The following SUMF1 variants were observed in gnomAD, a reference collection of about 807,000 sequenced individuals.
The protein encoded by SUMF1 is sulfatase modifying factor 1, also known as formylglycine-generating enzyme.
A neutral mutation model predicts 47.6 loss-of-function variants in SUMF1; 48 were observed. The observed-to-expected ratio is 1.01, with a 90% CI of 0.80 to 1.28. The LOEUF is 1.28. Among genes scored for constraint, SUMF1 ranks in the 50% most tolerant of loss-of-function variants. The pLI is 0.00. For synonymous variants in SUMF1, 230 were observed against 192.1 expected (o/e 1.20, Z -1.63); for missense variants, 571 against 485.4 (o/e 1.18, Z -1.66).
At chr3:4,148,804 A>G (rs572960601) in intron 8 of SUMF1, among the ~76,000 whole-genome samples, 4 of 152,298 alleles carry the variant, frequency 2.6e-5, no homozygotes, top group East Asian at 1.9e-4. Context: ...CTAGATCTCT[A>G]TAGACCCATA....
chr3:4,161,464 A>T (rs1694575053), intron 8 of SUMF1, among the ~76,000 whole-genome samples: 1 of 152,072 alleles, frequency 6.6e-6, no homozygotes, highest in Non-Finnish European at 1.5e-5. Context: ...AAACCTTAGA[A>T]ATCTACCTGG....
intron 8 of SUMF1, among the ~76,000 whole-genome samples, chr3:4,335,139 GAAAC>G (rs745355332): frequency 5.3e-5 from 8 of 152,126 alleles, no homozygotes; most frequent in African/African-American, 1.7e-4. Context: ...AAGATGGACT[GAAAC>G]AAACAAACAA....
At chr3:4,268,898 G>C (rs2125033116) in intron 8 of SUMF1, among the ~76,000 whole-genome samples, 1 of 152,150 alleles carries the variant, frequency 6.6e-6, no homozygotes, top group Admixed American at 6.6e-5. Context: ...GTGCGTGTGT[G>C]TATATATACA....
At chr3:4,084,248 G>C (rs1322420625) in intron 8 of SUMF1, among the ~76,000 whole-genome samples, 6 of 152,120 alleles carry the variant, frequency 3.9e-5, no homozygotes, top group African/African-American at 1.2e-4. Context: ...AAAAATGCAA[G>C]TGGCATAAAA....
chr3:4,438,850 A>T (rs1702486272), intron 3 of SUMF1, among the ~76,000 whole-genome samples: 1 of 152,166 alleles, frequency 6.6e-6, no homozygotes, highest in Non-Finnish European at 1.5e-5. Flanking sequence ...AATATAAAAA[A>T]TTATTTTCAA....
chr3:4,209,828 G>T (rs1192299376), intron 8 of SUMF1, among the ~76,000 whole-genome samples: 1 of 152,188 alleles, frequency 6.6e-6, no homozygotes, highest in South Asian at 2.1e-4. Flanking sequence ...CTACGCTAAA[G>T]ACTACCACAG....
chr3:4,429,667 C>G (rs2125068286), intron 3 of SUMF1, among the ~76,000 whole-genome samples: 1 of 152,280 alleles, frequency 6.6e-6, no homozygotes, highest in East Asian at 1.9e-4. Context: ...GATCTACTTC[C>G]TACTTATATT....
intron 8 of SUMF1, among the ~76,000 whole-genome samples, chr3:4,258,431 C>T (rs1428845823): frequency 3.2e-4 from 44 of 136,062 alleles, no homozygotes; most frequent in Admixed American, 8.7e-4. Flanking sequence ...AAACAAACAA[C>T]CCCATCAAAA....
intron 8 of SUMF1, among the ~76,000 whole-genome samples, chr3:4,142,234 G>A (rs1346050134): frequency 1.3e-5 from 2 of 150,572 alleles, no homozygotes; most frequent in Non-Finnish European, 3.0e-5. Context: ...CACTGTTAAA[G>A]AAAAAAAAAT....
intron 9 of SUMF1, among the ~76,000 whole-genome samples, chr3:4,038,746 T>C (rs1196003297): frequency 6.6e-6 from 1 of 152,174 alleles, no homozygotes; most frequent in Non-Finnish European, 1.5e-5. Context: ...ACCACTGCTG[T>C]GGCAGTGGAA....
At chr3:4,174,356 CAAAAA>C (rs547741138) in intron 8 of SUMF1, among the ~76,000 whole-genome samples, 5 of 112,504 alleles carry the variant, frequency 4.4e-5, no homozygotes, top group African/African-American at 6.9e-5. Context: ...ACTCCGTCTC[CAAAAA>C]AAAAAAAAAA....
At chr3:4,438,771 T>C (rs1303717655) in intron 3 of SUMF1, among the ~76,000 whole-genome samples, 3 of 152,102 alleles carry the variant, frequency 2.0e-5, no homozygotes, top group South Asian at 2.1e-4. Flanking sequence ...TTAGTAAGGA[T>C]ATAGAAAATT....
At position 4,417,996 on chromosome 3, in the gene SUMF1, G is replaced by A. The variant is rs370203683; in HGVS notation, c.725+14C>T. 95 of 1,613,838 alleles carry A rather than the reference G, an allele frequency of 5.9e-5. 1 individual carries two copies. In the South Asian group the frequency reaches 9.9e-4, roughly 17 times the overall value. ...ACCAACATATTGTCAGGCAAAATGA[G>A]ATCCTCTAAATACCTATTATGCAGG... On this transcript the variant is annotated intron_variant, in intron 5 of 8. Transcript: ENST00000272902.
intron 8 of SUMF1, among the ~76,000 whole-genome samples, chr3:4,301,295 A>G (rs1697958375): frequency 6.6e-6 from 1 of 152,200 alleles, no homozygotes; most frequent in Non-Finnish European, 1.5e-5. Flanking sequence ...CAACAGAACA[A>G]GGGGTTCCAA....
chr3:4,211,029 C>A (rs1225825873), intron 8 of SUMF1, among the ~76,000 whole-genome samples: 1 of 149,172 alleles, frequency 6.7e-6, no homozygotes, highest in Non-Finnish European at 1.5e-5. Context: ...GACTGGTTTC[C>A]TTGCTCCTCA....
At chr3:4,321,547 T>G (rs1409786734) in intron 8 of SUMF1, among the ~76,000 whole-genome samples, 2 of 139,646 alleles carry the variant, frequency 1.4e-5, no homozygotes, top group Admixed American at 1.4e-4. Context: ...TAGAAACAAA[T>G]TGTAAAAGCT....
At chr3:4,216,154 C>A (rs2083932) in intron 8 of SUMF1, among the ~76,000 whole-genome samples, 1 of 151,944 alleles carries the variant, frequency 6.6e-6, no homozygotes, top group Admixed American at 6.6e-5. Flanking sequence ...TACAAGGCTA[C>A]AGTAACAAAA....
At chr3:4,446,877 G>A (rs1702799220) in intron 3 of SUMF1, among the ~76,000 whole-genome samples, 3 of 152,192 alleles carry the variant, frequency 2.0e-5, no homozygotes, top group African/African-American at 7.2e-5. Context: ...AGGGAAACCT[G>A]TAGAAGAGTC....
chr3:4,429,880 A>G (rs1702181074), intron 3 of SUMF1, among the ~76,000 whole-genome samples: 4 of 152,190 alleles, frequency 2.6e-5, no homozygotes, highest in Admixed American at 2.6e-4. Context: ...AGAACACTGC[A>G]CCAGTGGCAA....
Sources: gnomAD v4.1 joint callset for allele counts (sites outside exome capture counted in the v4.1 genomes callset) on GRCh38, gnomAD v4.1.1 for gene constraint, MANE v1.5 for transcripts, NCBI Gene and HGNC (gene_info 2026-07-23, HGNC 2026-07-21) for gene names.